The following DOP1B variants were observed in gnomAD, a reference collection of about 807,000 sequenced individuals.
DOP1B encodes the protein DOP1 leucine zipper like protein B, also known as protein DOP1B.
Under a neutral mutation model 233.5 loss-of-function variants are expected in DOP1B, and 174 were observed. The observed-to-expected ratio is 0.75, with a 90% CI of 0.66 to 0.85. The LOEUF (loss-of-function observed/expected upper bound fraction) is 0.85, where lower values mean the gene tolerates loss of function less well. DOP1B is among the 40% of genes least tolerant of loss of function. The pLI, the probability that DOP1B is intolerant of heterozygous loss-of-function variation, is 0.00. For missense variants in DOP1B, 2,652 were observed against 2,846.6 expected (o/e 0.93, Z 1.56); for synonymous variants, 1,190 against 1,185.6 (o/e 1.00, Z -0.08).
At chr21:36,226,319 C>CA (rs2066682207) in intron 12 of DOP1B, among the ~76,000 whole-genome samples, 1 of 150,390 alleles carries the variant, frequency 6.6e-6, no homozygotes, top group Non-Finnish European at 1.5e-5. Flanking sequence ...TCTCCTGTGA[C>CA]AGAGTTTTGC....
In DOP1B at chr21:36,245,692, C is replaced by G. The variant is rs774288636; in HGVS notation, c.3712C>G (p.Arg1238Gly). 3 of 1,613,758 alleles carry G rather than the reference C, an allele frequency of 1.9e-6. No individual in the cohort carries two copies. The South Asian group carries it at 3.3e-5, about 18-fold the overall frequency. The change falls in exon 19 of 37, where the codon CGG (arginine) becomes GGG (glycine). Residue 1238 changes from arginine to glycine, a missense_variant. Arg to Gly is a moderately radical substitution (Grantham distance 125, BLOSUM62 -2). Coordinates refer to ENST00000691173, the MANE Select transcript of DOP1B (RefSeq NM_001320714.2). The surrounding 1 kb of genome is among the most constrained non-coding windows in gnomAD (Gnocchi z 5.5). The stretch of plus-strand genomic sequence containing the variant: ...GCTCTACCTGCAGCCCTACGACTCT[C>G]GGCGGGTCCTCTATGCCTTCTCGGT... ...ILLYLQPYDS[R>G]RVLYAFSVLE...
chr21:36,230,764 AG>A lies in DOP1B; in HGVS notation c.1983del (p.Lys662ArgfsTer133), dbSNP rs1288948973. 1.2e-6 allele frequency: 2 copies of A among 1,614,068 alleles called. No individual in the cohort carries two copies. The highest frequency in any genetic ancestry group is 1.7e-6 in the Non-Finnish European group (2 of 1,180,042). On this transcript the variant is annotated frameshift_variant, in exon 14 of 37. Coordinates refer to ENST00000691173, the MANE Select transcript of DOP1B (RefSeq NM_001320714.2). LOFTEE classifies it high-confidence loss of function. ...AAGAAAGCAAGTCCGAGGAGCCTGC[AG>A]GGAAGAGGGACAGGGATGGGACGCA... ...GEESKSEEPA[G>X]KRDRDGTQSL...
rs1052800953 is a variant in DOP1B, at chr21:36,288,754, A to C, written c.6298-2A>C. The C allele has an allele frequency of 3.7e-6, 6 of 1,601,474 alleles. No homozygotes were observed. The highest frequency in any genetic ancestry group is 4.3e-6 in the Non-Finnish European group (5 of 1,173,028). On this transcript the variant is annotated splice_acceptor_variant, in intron 33 of 36. Coordinates refer to ENST00000691173, the MANE Select transcript of DOP1B (RefSeq NM_001320714.2). LOFTEE classifies it high-confidence loss of function. ...AGTAACTTGAATGCATTTTTTTTTC[A>C]GATTCAGACATTCACACAGCTTGAA...
intron 6 of DOP1B, 95 bp downstream of exon 6, chr21:36,211,746 C>T: frequency 2.2e-6 from 3 of 1,371,248 alleles, no homozygotes; most frequent in African/African-American, 1.4e-5. Flanking sequence ...ACAGCTCAGC[C>T]ACTCATGGGC....
At chr21:36,277,430 G>A (rs934710276) in intron 28 of DOP1B, among the ~76,000 whole-genome samples, 1 of 149,542 alleles carries the variant, frequency 6.7e-6, no homozygotes, top group Non-Finnish European at 1.5e-5. Flanking sequence ...CTACAGGTGC[G>A]CGCCATCACG....
In DOP1B at chr21:36,174,169, C is replaced by T. The variant is rs556168518; in HGVS notation, c.138+9298C>T. ...TGAACTACTCCAGCCCTTTACAGAT[C>T]GGCTGCAAGAACTCTTTACCTAAAA... is the stretch of plus-strand genomic sequence containing the variant. On this transcript the variant is annotated intron_variant, in intron 2 of 36. Coordinates refer to ENST00000691173, the MANE Select transcript of DOP1B (RefSeq NM_001320714.2). 3.3e-5 allele frequency among the ~76,000 whole-genome samples: 5 copies of T among 152,224 alleles called. No individual in the cohort carries two copies. In the East Asian group the frequency reaches 5.8e-4, roughly 18 times the overall value.
At chr21:36,210,550 CAA>C (rs2066484285) in intron 5 of DOP1B, among the ~76,000 whole-genome samples, 1 of 152,234 alleles carries the variant, frequency 6.6e-6, no homozygotes, top group African/African-American at 2.4e-5. Context: ...GAGGCTGAGA[CAA>C]AGGAATCGCT....
intron 29 of DOP1B, 46 bp downstream of exon 29, chr21:36,278,130 AT>A (rs776658623): frequency 1.2e-6 from 2 of 1,613,470 alleles, no homozygotes; most frequent in Non-Finnish European, 1.7e-6. Context: ...GCAGAAAAAT[AT>A]GTTTTCACAA....
Position 36,158,815 on chromosome 21 carries a change from A to AAAG in DOP1B, c.-27+1874_-27+1875insGAA, listed in dbSNP as rs113492425. Among the ~76,000 whole-genome samples the AAAG allele has an allele frequency of 9.7e-3, 1,422 of 146,716 alleles. 42 individuals are homozygous for AAAG. Among genetic ancestry groups the AAAG allele is most frequent in the African/African-American group, 0.033 (1,314 of 39,536 alleles). On this transcript the variant is annotated intron_variant, in intron 1 of 36. Coordinates refer to ENST00000691173, the MANE Select transcript of DOP1B (RefSeq NM_001320714.2). ...AGACTCTTGTCTCAAAAAAAAAAAA[A>AAAG]AAAGAAAAGAAAAAAGAAATGCATG...
intron 2 of DOP1B, among the ~76,000 whole-genome samples, chr21:36,184,880 GT>G (rs1446435907): frequency 6.6e-6 from 1 of 152,238 alleles, no homozygotes; most frequent in Non-Finnish European, 1.5e-5. Flanking sequence ...GCCTCTGGGA[GT>G]TCTCTAGAAG....
intron 2 of DOP1B, among the ~76,000 whole-genome samples, chr21:36,192,984 G>A (rs765658127): frequency 7.9e-5 from 12 of 152,146 alleles, no homozygotes; most frequent in Non-Finnish European, 1.8e-4. Context: ...CACCATGCCC[G>A]GCCCCACTTT....
chr21:36,276,931 G>A, intron 27 of DOP1B, 90 bp from the exon 28 acceptor site: 1 of 1,263,984 alleles, frequency 7.9e-7, no homozygotes. Context: ...GGCGGGAGCT[G>A]ATGGCTCACA....
chr21:36,257,808 T>G (rs2067122421), intron 23 of DOP1B, among the ~76,000 whole-genome samples: 1 of 142,296 alleles, frequency 7.0e-6, no homozygotes, highest in Non-Finnish European at 1.5e-5. Flanking sequence ...GTAGGGTAGG[T>G]ATGTAGATAG....
chr21:36,168,852 A>G (rs2123400380), intron 2 of DOP1B: 2 of 352,682 alleles, frequency 5.7e-6, no homozygotes, highest in Admixed American at 8.2e-5. Flanking sequence ...TTTTTTAAAA[A>G]TGATAACCAT....
intron 22 of DOP1B, 135 bp from the exon 23 acceptor site, chr21:36,253,637 C>CAA (rs368750677): frequency 0.041 from 32,408 of 786,894 alleles, 357 homozygotes; most frequent in African/African-American, 0.12. Context: ...GACCGTGTTT[C>CAA]AAAAAAAAAA....
intron 4 of DOP1B, among the ~76,000 whole-genome samples, chr21:36,208,341 G>A (rs1460791632): frequency 1.3e-5 from 2 of 152,218 alleles, no homozygotes; most frequent in Non-Finnish European, 1.5e-5. Context: ...CCGCTTTTCT[G>A]TGAAGTGGCT....
intron 30 of DOP1B, among the ~76,000 whole-genome samples, chr21:36,278,584 C>G (rs570120900): frequency 4.6e-5 from 7 of 152,234 alleles, no homozygotes; most frequent in African/African-American, 1.7e-4. Flanking sequence ...ATGTTATTTC[C>G]TGGCTGGGCA....
At position 36,293,720 on chromosome 21, in the gene DOP1B, C is replaced by G; in HGVS notation, c.*149C>G. The G allele has an allele frequency of 1.2e-6, 1 of 859,470 alleles. No homozygotes were observed. The highest frequency in any genetic ancestry group is 1.8e-6 in the Non-Finnish European group (1 of 563,276). The allele number at this position is 859,470 out of a possible 1,614,324, so 53.2% of individuals were successfully genotyped here. On this transcript the variant is annotated 3_prime_UTR_variant, in exon 37 of 37. Transcript: ENST00000691173. ...ATTTCAGGCTAGGTGCGGTGGCTCA[C>G]ACCTGTAATCTCAGCACTTTGGGAG...
rs999698462 is a variant in DOP1B at position 36,227,496 on chromosome 21, G to A, written c.1474-190G>A. Among the ~76,000 whole-genome samples the A allele has an allele frequency of 9.2e-5, 14 of 151,844 alleles. No homozygotes were observed. In the South Asian group the frequency reaches 1.5e-3, roughly 16 times the overall value. ...CGGGAGGCTGAGCTTGCAGTGAGCC[G>A]AGATCGCGACACTGCACTCCAGCCT... On this transcript the variant is annotated intron_variant, in intron 12 of 36. Coordinates refer to ENST00000691173, the MANE Select transcript of DOP1B (RefSeq NM_001320714.2).
Sources: gnomAD v4.1 joint callset for allele counts (sites outside exome capture counted in the v4.1 genomes callset) on GRCh38, gnomAD v4.1.1 for gene constraint, Gnocchi (gnomAD v3.1) non-coding constraint, MANE v1.5 for transcripts, NCBI Gene and HGNC (gene_info 2026-07-23, HGNC 2026-07-21) for gene names.